The following PDZRN4 variants were observed in gnomAD, a reference collection of about 807,000 sequenced individuals.
PDZRN4 encodes PDZ domain-containing RING finger protein 4.
A neutral mutation model predicts 99.0 loss-of-function variants in PDZRN4; 70 were observed. The ratio of observed to expected loss-of-function variants is 0.71; its 90% CI spans 0.58 to 0.86. The LOEUF (loss-of-function observed/expected upper bound fraction) is 0.86. Among genes scored for constraint, PDZRN4 ranks in the 40% least tolerant of loss-of-function variants. The pLI, the probability that PDZRN4 is intolerant of heterozygous loss-of-function variation, is 0.00. For synonymous variants in PDZRN4, 551 were observed against 501.6 expected (o/e 1.10, Z -1.32); for missense variants, 1,474 against 1,331.2 (o/e 1.11, Z -1.67).
At chr12:41,376,021 T>G (rs1018303364) in intron 3 of PDZRN4, among the ~76,000 whole-genome samples, 2 of 152,216 alleles carry the variant, frequency 1.3e-5, no homozygotes, top group African/African-American at 4.8e-5. Context: ...TGACTTATTT[T>G]ACTTAGCATA....
Position 41,203,726 on chromosome 12 carries a change from A to G in PDZRN4, c.843+9538A>G, listed in dbSNP as rs753945602. On this transcript the variant is annotated intron_variant, in intron 3 of 9. Transcript: ENST00000402685. ...GTATCTGTGCCTTCAACCATTGCTT[A>G]ATACTACCTATTATTAAGAATTATA... is the stretch of plus-strand genomic sequence containing the variant. Among the ~76,000 whole-genome samples the G allele has an allele frequency of 8.9e-4, 135 of 152,094 alleles. 2 individuals carry two copies. The highest frequency in any genetic ancestry group is 3.0e-3 in the African/African-American group (126 of 41,514).
intron 3 of PDZRN4, among the ~76,000 whole-genome samples, chr12:41,504,796 A>T (rs1270525067): frequency 6.6e-6 from 1 of 152,186 alleles, no homozygotes; most frequent in South Asian, 2.1e-4. Context: ...AGTTCATGAA[A>T]AAAAGAATCA....
At chr12:41,214,511 T>C (rs896751156) in intron 3 of PDZRN4, among the ~76,000 whole-genome samples, 4 of 142,796 alleles carry the variant, frequency 2.8e-5, no homozygotes, top group African/African-American at 5.2e-5. Flanking sequence ...ATCCTCTAGA[T>C]CCGAACCTGA....
At chr12:41,392,613 C>T (rs1015800745) in intron 3 of PDZRN4, among the ~76,000 whole-genome samples, 6 of 152,212 alleles carry the variant, frequency 3.9e-5, no homozygotes, top group African/African-American at 1.4e-4. Flanking sequence ...TACTTACATC[C>T]TAGTTATGCC....
intron 3 of PDZRN4, among the ~76,000 whole-genome samples, chr12:41,415,138 G>A (rs1309727717): frequency 6.6e-6 from 1 of 152,048 alleles, no homozygotes; most frequent in Admixed American, 6.6e-5. Context: ...CCTCCATTGA[G>A]ATGAGCCATA....
At chr12:41,529,789 C>T (rs1215161251) in intron 5 of PDZRN4, among the ~76,000 whole-genome samples, 3 of 152,172 alleles carry the variant, frequency 2.0e-5, no homozygotes, top group African/African-American at 7.2e-5. Context: ...CATATGTGAT[C>T]TCAAACTCTT....
chr12:41,457,912 C>A (rs1163004797), intron 3 of PDZRN4, among the ~76,000 whole-genome samples: 1 of 152,076 alleles, frequency 6.6e-6, no homozygotes, highest in African/African-American at 2.4e-5. Flanking sequence ...GATCTTGACC[C>A]TGTAGGGGCT....
intron 3 of PDZRN4, among the ~76,000 whole-genome samples, chr12:41,504,868 C>A (rs1938178117): frequency 6.6e-6 from 1 of 152,178 alleles, no homozygotes; most frequent in African/African-American, 2.4e-5. Flanking sequence ...CAGATCTCCA[C>A]CTGGGGTTTC....
Position 41,488,672 on chromosome 12 carries a change from C to T in PDZRN4, c.844-17784C>T, listed in dbSNP as rs368175644. Among the ~76,000 whole-genome samples the T allele has an allele frequency of 1.6e-4, 25 of 152,212 alleles. 1 individual carries two copies. The highest frequency in any genetic ancestry group is 1.5e-3 in the East Asian group (8 of 5,184). On this transcript the variant is annotated intron_variant, in intron 3 of 9. Coordinates refer to ENST00000402685, the MANE Select transcript of PDZRN4 (RefSeq NM_001164595.2). ...ACGACAACATCACAGTTAACTTCTCCGGGCTGGAGGGAAAAAAAATGAAGC... is the reference window on the plus strand; with the variant it reads ...ACGACAACATCACAGTTAACTTCTCTGGGCTGGAGGGAAAAAAAATGAAGC...
Position 41,509,881 on chromosome 12 carries a change from G to T in PDZRN4, c.1171G>T (p.Asp391Tyr). The T allele has an allele frequency of 6.3e-7, 1 of 1,591,402 alleles. No homozygotes were observed. Among genetic ancestry groups the T allele is most frequent in the South Asian group, 1.1e-5 (1 of 90,000 alleles). The change falls in exon 5 of 10, where the codon GAT becomes TAT. Residue 391 changes from aspartate (D) to tyrosine (Y), a missense_variant. Transcript: ENST00000402685. ...TGAGTATATTTCCAGCTTGCCTGCT[G>T]ATGCAGACAGAACAGAAGACTTTGA... is the stretch of plus-strand genomic sequence containing the variant. ...DNEYISSLPA[D>Y]ADRTEDFEYE...
chr12:41,240,749 G>A (rs58686550), intron 3 of PDZRN4, among the ~76,000 whole-genome samples: 4,752 of 152,200 alleles, frequency 0.031, 251 homozygotes, highest in African/African-American at 0.11. Flanking sequence ...CATGGTGGAC[G>A]GGGCCAGCTA....
chr12:41,424,729 G>T (rs562442622), intron 3 of PDZRN4, among the ~76,000 whole-genome samples: 2 of 152,138 alleles, frequency 1.3e-5, no homozygotes, highest in African/African-American at 2.4e-5. Context: ...TGCAAGTCAG[G>T]AAGCTCCTCT....
chr12:41,554,172 T>C (rs1009501532), intron 6 of PDZRN4, among the ~76,000 whole-genome samples: 1 of 152,198 alleles, frequency 6.6e-6, no homozygotes, highest in Non-Finnish European at 1.5e-5. Flanking sequence ...GAAACACCTG[T>C]GGCATTATCT....
intron 3 of PDZRN4, among the ~76,000 whole-genome samples, chr12:41,197,146 A>T (rs186028756): frequency 2.4e-4 from 36 of 152,286 alleles, no homozygotes. Context: ...TGATGCACAC[A>T]TACAAGTTTA....
At chr12:41,391,691 C>T (rs997093955) in intron 3 of PDZRN4, among the ~76,000 whole-genome samples, 31 of 152,184 alleles carry the variant, frequency 2.0e-4, no homozygotes, top group African/African-American at 7.2e-4. Context: ...ACTCCTCCCC[C>T]AATCACTAGT....
At chr12:41,419,872 C>A (rs965390510) in intron 3 of PDZRN4, among the ~76,000 whole-genome samples, 1 of 152,130 alleles carries the variant, frequency 6.6e-6, no homozygotes, top group Non-Finnish European at 1.5e-5. Context: ...GCTATAAGAT[C>A]ATTGCTTGGA....
chr12:41,489,876 G>A (rs1937850691), intron 3 of PDZRN4, among the ~76,000 whole-genome samples: 1 of 152,040 alleles, frequency 6.6e-6, no homozygotes, highest in South Asian at 2.1e-4. Context: ...TAGAGCTTGA[G>A]AATCAATAAT....
intron 3 of PDZRN4, among the ~76,000 whole-genome samples, chr12:41,364,791 G>A (rs1951986046): frequency 6.6e-6 from 1 of 152,088 alleles, no homozygotes; most frequent in Admixed American, 6.6e-5. Flanking sequence ...GGGAATCATA[G>A]GTACTGGTGG....
chr12:41,434,363 C>G (rs1012425830), intron 3 of PDZRN4, among the ~76,000 whole-genome samples: 1 of 152,070 alleles, frequency 6.6e-6, no homozygotes, highest in African/African-American at 2.4e-5. Context: ...TCAGGTGGCA[C>G]ATATTGTACA....
Sources: gnomAD v4.1 joint callset for allele counts (sites outside exome capture counted in the v4.1 genomes callset) on GRCh38, gnomAD v4.1.1 for gene constraint, MANE v1.5 for transcripts, NCBI Gene and HGNC (gene_info 2026-07-23, HGNC 2026-07-21) for gene names.